SEMA3A: variants seen among roughly 807,000 people sequenced by gnomAD.
SEMA3A encodes the protein semaphorin-3A.
A neutral mutation model predicts 97.9 loss-of-function variants in SEMA3A; 29 were observed. The observed-to-expected ratio is 0.30, with a 90% CI of 0.22 to 0.40. SEMA3A has a LOEUF of 0.40. Among genes scored for constraint, SEMA3A ranks in the 10% least tolerant of loss-of-function variants. The pLI is 1.00. For synonymous variants in SEMA3A, 321 were observed against 323.7 expected, an observed-to-expected ratio of 0.99 and a Z score of 0.09; for missense variants, 763 against 951.3, an observed-to-expected ratio of 0.80 and a Z score of 2.60.
intron 4 of SEMA3A, among the ~76,000 whole-genome samples, chr7:84,084,686 A>G (rs1022158891): frequency 7.9e-5 from 12 of 152,144 alleles, no homozygotes; most frequent in Non-Finnish European, 1.5e-4. Flanking sequence ...TGAATATAGT[A>G]TATTAAATGT....
chr7:84,289,274 G>A (rs1186357404), intron 3 of SEMA3A, among the ~76,000 whole-genome samples: 2 of 152,030 alleles, frequency 1.3e-5, no homozygotes, highest in East Asian at 3.9e-4. Flanking sequence ...CAGTTAGATA[G>A]GAGCAATAGG....
In SEMA3A at chr7:83,989,982, G is replaced by A. The variant is rs577803327; in HGVS notation, c.1453-4505C>T. Reference sequence around the variant, plus strand: ...CTCCACATCCTCTCCAGCACCTGTTGTTTCCTGACTTTTTAATGATTGTCA... The same window carrying A: ...CTCCACATCCTCTCCAGCACCTGTTATTTCCTGACTTTTTAATGATTGTCA... On this transcript the variant is annotated intron_variant, in intron 12 of 16. Transcript: ENST00000265362. Among the ~76,000 whole-genome samples the A allele has an allele frequency of 9.9e-3, 1,500 of 151,990 alleles. 6 individuals carry two copies. The highest frequency in any genetic ancestry group is 0.016 in the Non-Finnish European group (1,066 of 67,944).
chr7:84,190,634 A>G (rs1015627260), intron 1 of SEMA3A, among the ~76,000 whole-genome samples: 5 of 150,312 alleles, frequency 3.3e-5, no homozygotes, highest in African/African-American at 1.2e-4. Flanking sequence ...ATCTTATACT[A>G]TTATGTGAAT....
intron 1 of SEMA3A, among the ~76,000 whole-genome samples, chr7:84,137,567 A>T (rs1041854100): frequency 6.6e-6 from 1 of 151,664 alleles, no homozygotes; most frequent in African/African-American, 2.4e-5. Context: ...GTATCACTGG[A>T]TATGTTCAGG....
In SEMA3A at chr7:84,067,822, G is replaced by A. The variant is rs1253046679; in HGVS notation, c.454-7264C>T. ...AAATAGGAACACTTTTACACTGTTG[G>A]TGGGACTGTAAACTAGTTCAACCAT... On this transcript the variant is annotated intron_variant, in intron 4 of 16. Coordinates refer to ENST00000265362, the MANE Select transcript of SEMA3A (RefSeq NM_006080.3). Among the ~76,000 whole-genome samples, 13 of 150,316 alleles carry A rather than the reference G, an allele frequency of 8.6e-5. No individual in the cohort carries two copies. In the East Asian group the frequency reaches 2.2e-3, roughly 25 times the overall value.
chr7:84,413,862 T>C (rs991071246), intron 1 of SEMA3A, among the ~76,000 whole-genome samples: 2 of 152,166 alleles, frequency 1.3e-5, no homozygotes, highest in Non-Finnish European at 2.9e-5. Flanking sequence ...AAATCATTTT[T>C]ACATGCCAGG....
chr7:84,408,891 T>C (rs944541207), intron 1 of SEMA3A, among the ~76,000 whole-genome samples: 1 of 151,694 alleles, frequency 6.6e-6, no homozygotes, highest in Admixed American at 6.6e-5. Context: ...CCGGGGACTG[T>C]TGTGGGGTTG....
intron 4 of SEMA3A, among the ~76,000 whole-genome samples, chr7:84,072,295 C>G (rs2115757807): frequency 6.6e-6 from 1 of 152,120 alleles, no homozygotes; most frequent in South Asian, 2.1e-4. Flanking sequence ...TGAAAAGGGT[C>G]AGCCTCACTG....
At chr7:84,206,314 G>A (rs1395381414) in intron 3 of SEMA3A, among the ~76,000 whole-genome samples, 5 of 148,208 alleles carry the variant, frequency 3.4e-5, no homozygotes, top group Non-Finnish European at 5.9e-5. Context: ...TAGAAACCAA[G>A]ATGGCATTTT....
At chr7:84,253,664 A>G (rs2115625232) in intron 3 of SEMA3A, among the ~76,000 whole-genome samples, 1 of 152,282 alleles carries the variant, frequency 6.6e-6, no homozygotes, top group Non-Finnish European at 1.5e-5. Context: ...CATTGCAGTA[A>G]GAAGTTAAAT....
intron 1 of SEMA3A, among the ~76,000 whole-genome samples, chr7:84,446,329 G>A (rs1335110278): frequency 6.6e-6 from 1 of 152,062 alleles, no homozygotes; most frequent in African/African-American, 2.4e-5. Flanking sequence ...ATTCTATGAG[G>A]CCAGTGTTAT....
intron 1 of SEMA3A, among the ~76,000 whole-genome samples, chr7:84,386,117 T>C (rs1013835526): frequency 1.3e-5 from 2 of 152,156 alleles, no homozygotes; most frequent in African/African-American, 4.8e-5. Flanking sequence ...CACTGTGGGA[T>C]CACTCAACTG....
upstream of SEMA3A, among the ~76,000 whole-genome samples, chr7:84,197,194 A>AT (rs1408405504): frequency 2.0e-5 from 3 of 152,080 alleles, no homozygotes; most frequent in Non-Finnish European, 2.9e-5. Context: ...TATACACACG[A>AT]TTTTTTATAA....
intron 1 of SEMA3A, among the ~76,000 whole-genome samples, chr7:84,480,128 G>A (rs962240452): frequency 1.3e-5 from 2 of 152,172 alleles, no homozygotes; most frequent in Non-Finnish European, 2.9e-5. Flanking sequence ...AAAACACTGA[G>A]AACAGTGCTT....
chr7:84,240,435 C>T (rs889479237), intron 3 of SEMA3A, among the ~76,000 whole-genome samples: 17 of 151,714 alleles, frequency 1.1e-4, no homozygotes, highest in African/African-American at 4.1e-4. Context: ...GGGGATTGGG[C>T]ATATACCCAG....
At chr7:83,964,854 T>G (rs1049631894) in intron 15 of SEMA3A, among the ~76,000 whole-genome samples, 3 of 152,202 alleles carry the variant, frequency 2.0e-5, no homozygotes, top group African/African-American at 7.2e-5. Flanking sequence ...ATAGGCTGTT[T>G]TTTTTTCCCC....
chr7:84,354,135 C>T (rs1802500414), intron 2 of SEMA3A, among the ~76,000 whole-genome samples: 2 of 151,246 alleles, frequency 1.3e-5, no homozygotes, highest in Non-Finnish European at 3.0e-5. Context: ...ATATAATGAC[C>T]TAATAACACA....
At chr7:84,408,759 C>A (rs1804179108) in intron 1 of SEMA3A, among the ~76,000 whole-genome samples, 1 of 151,580 alleles carries the variant, frequency 6.6e-6, no homozygotes, top group African/African-American at 2.4e-5. Context: ...ATGGATGAAG[C>A]TGGAAACCAT....
chr7:84,211,487 G>T (rs935105887), intron 3 of SEMA3A, among the ~76,000 whole-genome samples: 2 of 151,834 alleles, frequency 1.3e-5, no homozygotes, highest in African/African-American at 4.8e-5. Context: ...CGGGCATGCT[G>T]GTGCATGCCT....
Sources: gnomAD v4.1 joint callset for allele counts (sites outside exome capture counted in the v4.1 genomes callset) on GRCh38, gnomAD v4.1.1 for gene constraint, MANE v1.5 for transcripts, NCBI Gene and HGNC (gene_info 2026-07-23, HGNC 2026-07-21) for gene names.